MCOLN2: variants seen among roughly 807,000 people sequenced by gnomAD.
MCOLN2 encodes mucolipin TRP cation channel 2.
Under a neutral mutation model 67.5 loss-of-function variants are expected in MCOLN2, and 57 were observed. The ratio of observed to expected loss-of-function variants is 0.84; its 90% confidence interval spans 0.68 to 1.05. MCOLN2 has a LOEUF of 1.05. Ranked by LOEUF, MCOLN2 falls within the 50% of genes least tolerant of loss-of-function variation. MCOLN2 has a pLI of 0.00. For missense variants in MCOLN2, 620 were observed against 678.8 expected (o/e 0.91, Z 0.96); for synonymous variants, 246 against 233.3 (o/e 1.05, Z -0.50).
chr1:84,976,355 A>G (rs897689887), intron 1 of MCOLN2, among the ~76,000 whole-genome samples: 2 of 152,256 alleles, frequency 1.3e-5, no homozygotes, highest in African/African-American at 4.8e-5. Flanking sequence ...TTCAGTGGAA[A>G]CCTTAAAGGC....
At chr1:84,941,693 C>T (rs1647794038) in intron 7 of MCOLN2, among the ~76,000 whole-genome samples, 1 of 152,154 alleles carries the variant, frequency 6.6e-6, no homozygotes, top group Admixed American at 6.5e-5. Context: ...TCAAGTTCAC[C>T]ATTAATAAGA....
intron 1 of MCOLN2, among the ~76,000 whole-genome samples, chr1:84,984,325 T>C (rs1039170388): frequency 6.6e-6 from 1 of 152,222 alleles, no homozygotes; most frequent in African/African-American, 2.4e-5. Flanking sequence ...TGGCTGAATC[T>C]GACAGCACCC....
chr1:84,990,669 GA>G (rs1268850458), intron 1 of MCOLN2, among the ~76,000 whole-genome samples: 1 of 152,086 alleles, frequency 6.6e-6, no homozygotes, highest in Non-Finnish European at 1.5e-5. Context: ...TGTAATCCCA[GA>G]GCTTTGGGAA....
At chr1:84,946,648 T>C (rs1271380594) in intron 7 of MCOLN2, among the ~76,000 whole-genome samples, 1 of 152,238 alleles carries the variant, frequency 6.6e-6, no homozygotes, top group South Asian at 2.1e-4. Flanking sequence ...TTAGAGCATT[T>C]TGATTTCAGA....
chr1:84,935,396 A>G (rs1308168680), intron 11 of MCOLN2, among the ~76,000 whole-genome samples: 1 of 152,182 alleles, frequency 6.6e-6, no homozygotes, highest in Non-Finnish European at 1.5e-5. Context: ...CTCCAGGGGT[A>G]TAAAGGAAAG....
chr1:84,961,823 T>C (rs566019380), intron 2 of MCOLN2, among the ~76,000 whole-genome samples: 1 of 152,296 alleles, frequency 6.6e-6, no homozygotes, highest in South Asian at 2.1e-4. Flanking sequence ...ATGAAATCAA[T>C]GTAGGATAAA....
At chr1:84,927,228 T>C (rs543739773) in intron 13 of MCOLN2, among the ~76,000 whole-genome samples, 1 of 151,496 alleles carries the variant, frequency 6.6e-6, no homozygotes, top group Admixed American at 6.6e-5. Context: ...GAAAAATATA[T>C]GTTACATTTA....
rs1314299677 is a variant in MCOLN2 at position 84,982,418 on chromosome 1, A to AT, written c.77+14377dup. ...TCCCAAAATGCTAGGATTACAGGCA[A>AT]TGAGCCACCATGTCCAGCCTGGCAA... On this transcript the variant is annotated intron_variant, in intron 1 of 13. Transcript: ENST00000370608. 4.6e-5 allele frequency among the ~76,000 whole-genome samples: 7 copies of AT among 152,296 alleles called. No homozygotes were observed. In the East Asian group the frequency reaches 1.4e-3, roughly 29 times the overall value.
intron 1 of MCOLN2, among the ~76,000 whole-genome samples, chr1:84,966,993 AAC>A (rs1401529090): frequency 3.3e-5 from 5 of 152,264 alleles, no homozygotes; most frequent in African/African-American, 1.2e-4. Context: ...TACATTATAT[AAC>A]ACATAAAAGT....
intron 11 of MCOLN2, 21 bp downstream of exon 11, chr1:84,937,733 AG>A: frequency 6.2e-7 from 1 of 1,613,136 alleles, no homozygotes; most frequent in Non-Finnish European, 8.5e-7. Flanking sequence ...CATCTGCAGA[AG>A]GAAGAATGTG....
chr1:84,971,402 T>C (rs959120438), intron 1 of MCOLN2, among the ~76,000 whole-genome samples: 4 of 152,080 alleles, frequency 2.6e-5, no homozygotes, highest in Admixed American at 2.0e-4. Flanking sequence ...TATAAATGTA[T>C]AAACTTTCTA....
At chr1:84,974,586 C>T (rs1274624197) in intron 1 of MCOLN2, among the ~76,000 whole-genome samples, 1 of 152,044 alleles carries the variant, frequency 6.6e-6, no homozygotes, top group East Asian at 1.9e-4. Flanking sequence ...TGGCAGCATT[C>T]ATCACCTGCT....
intron 1 of MCOLN2, among the ~76,000 whole-genome samples, chr1:84,979,805 G>C (rs916824098): frequency 2.0e-5 from 3 of 152,114 alleles, no homozygotes; most frequent in African/African-American, 7.2e-5. Context: ...ATTCAACATA[G>C]TACTGGAAGT....
chr1:84,996,723 G>C lies in MCOLN2; in HGVS notation c.77+73C>G, dbSNP rs1651175422. The C allele has an allele frequency of 5.8e-6, 8 of 1,380,608 alleles. No homozygotes were observed. The South Asian group carries it at 9.4e-5, about 16-fold the overall frequency. The allele number at this position is 1,380,608 out of a possible 1,614,324, so 85.5% of individuals were successfully genotyped here. A position where few individuals can be genotyped will look rare whatever the true frequency, so the allele number is the denominator to read the frequency against. ...AGGCAGCAAGCAAGCTCTAGTCTAC[G>C]AAAGTAAAGCCATCGACTTTAGGAA... is the stretch of plus-strand genomic sequence containing the variant. On this transcript the variant is annotated intron_variant, in intron 1 of 13. Transcript: ENST00000370608.
At position 84,952,262 on chromosome 1, in the gene MCOLN2, C is replaced by G. The variant is rs1333828823; in HGVS notation, c.728G>C (p.Cys243Ser). Residue 243 changes from cysteine to serine, a missense_variant, in exon 6 of 14, where the codon TGT becomes TCT. Transcript: ENST00000370608. Reference sequence around the variant, plus strand: ...ACTTGCCGTATTCTGAAAGACATAACAGTCTGGTAACTCACGGGAATGAAT... The same window carrying G: ...ACTTGCCGTATTCTGAAAGACATAAGAGTCTGGTAACTCACGGGAATGAAT... ...QTIHSRELPD[C>S]YVFQNTIIFD... The G allele has an allele frequency of 4.3e-6, 7 of 1,611,306 alleles. No homozygotes were observed. In the Admixed American group the frequency reaches 1.2e-4, roughly 27 times the overall value.
At chr1:84,947,179 A>C (rs1348382061) in intron 6 of MCOLN2, 47 bp from the exon 7 acceptor site, 2 of 942,424 alleles carry the variant, frequency 2.1e-6, no homozygotes, top group Admixed American at 3.5e-5. Flanking sequence ...AAGAAAGTAT[A>C]ACATGTTAGA....
chr1:84,962,792 T>G (rs1036277852), intron 2 of MCOLN2, among the ~76,000 whole-genome samples: 39 of 152,162 alleles, frequency 2.6e-4, no homozygotes, highest in African/African-American at 8.7e-4. Flanking sequence ...GAAAGACAAG[T>G]TGAAGGAGAC....
At chr1:84,929,388 A>G (rs2102796917) in intron 13 of MCOLN2, among the ~76,000 whole-genome samples, 170 bp downstream of exon 13, 1 of 152,358 alleles carries the variant, frequency 6.6e-6, no homozygotes, top group South Asian at 2.1e-4. Flanking sequence ...CCTGTTTTAG[A>G]AGAAATAATT....
chr1:84,956,395 C>T (rs777472959), intron 4 of MCOLN2, 36 bp downstream of exon 4: 20 of 1,593,990 alleles, frequency 1.3e-5, no homozygotes, highest in Non-Finnish European at 1.4e-5. Flanking sequence ...TACCAGAAGA[C>T]GATAAAGGTA....
Sources: allele counts gnomAD v4.1 joint callset (sites outside exome capture counted in the v4.1 genomes callset), GRCh38; gene constraint gnomAD v4.1.1; transcripts MANE v1.5; gene names NCBI Gene and HGNC (gene_info 2026-07-23, HGNC 2026-07-21).